Variants in UBR2 observed in about 807,000 individuals in gnomAD.
UBR2 encodes the protein E3 ubiquitin-protein ligase UBR2.
In UBR2, 92 loss-of-function variants were observed where a neutral mutation model predicts 247.9. The observed-to-expected ratio is 0.37, with a 90% CI of 0.31 to 0.44. The LOEUF is 0.44. UBR2 is among the 20% of genes least tolerant of loss of function. The pLI, the probability that UBR2 is intolerant of heterozygous loss-of-function variation, is 1.00. For missense variants in UBR2, 1,613 were observed against 2,112.6 expected (o/e 0.76, Z 4.64); for synonymous variants, 672 against 693.5 (o/e 0.97, Z 0.49).
At chr6:42,654,847 A>G (rs1475701273) in intron 25 of UBR2, among the ~76,000 whole-genome samples, 1 of 152,248 alleles carries the variant, frequency 6.6e-6, no homozygotes, top group Non-Finnish European at 1.5e-5. Context: ...TTTATAAATG[A>G]TAAGGCATTA....
intron 31 of UBR2, 52 bp downstream of exon 31, chr6:42,662,329 A>AT: frequency 8.7e-7 from 1 of 1,147,488 alleles, no homozygotes; most frequent in African/African-American, 1.6e-5. Context: ...AGGGCTCAAT[A>AT]TTTTTTAAAT....
At chr6:42,596,857 G>T (rs1040097726) in intron 4 of UBR2, among the ~76,000 whole-genome samples, 7 of 152,134 alleles carry the variant, frequency 4.6e-5, no homozygotes, top group African/African-American at 1.7e-4. Context: ...TGGCTTAGTA[G>T]GTAAGGGGTT....
chr6:42,642,135 T>G (rs576461483), intron 17 of UBR2, among the ~76,000 whole-genome samples: 92 of 152,264 alleles, frequency 6.0e-4, no homozygotes, highest in African/African-American at 2.2e-3. Flanking sequence ...ACAGATTTTG[T>G]TTTTCTCCTG....
chr6:42,613,814 A>G (rs1456256168), intron 8 of UBR2, among the ~76,000 whole-genome samples: 1 of 151,998 alleles, frequency 6.6e-6, no homozygotes, highest in African/African-American at 2.4e-5. Flanking sequence ...AGCTTTTATA[A>G]TTGAAAGTTA....
chr6:42,609,847 A>T (rs1793949659), intron 7 of UBR2, among the ~76,000 whole-genome samples: 1 of 151,522 alleles, frequency 6.6e-6, no homozygotes, highest in Admixed American at 6.6e-5. Flanking sequence ...GTGAGCTGTT[A>T]TCAACACCAT....
In UBR2 at chr6:42,674,162, G is replaced by C. The variant is rs776216881; in HGVS notation, c.4220G>C (p.Cys1407Ser). Reference sequence around the variant, plus strand: ...AATGACAGCCATGAGGAACTTCCATGCATATTAGATATTGACATGTTTCAT... The same window carrying C: ...AATGACAGCCATGAGGAACTTCCATCCATATTAGATATTGACATGTTTCAT... ...VPNDSHEELP[C>S]ILDIDMFHLL... Residue 1407 changes from cysteine to serine, a missense_variant, in exon 38 of 47, where the codon TGC becomes TCC. Physicochemically the swap from Cys to Ser is moderately radical, Grantham distance 112 (BLOSUM62 -1). This residue lies in a region of UBR2 where 1,524 missense variants were observed against 1,967.3 expected (regional missense o/e 0.77). Transcript: ENST00000372901. The C allele has an allele frequency of 6.2e-7, 1 of 1,613,860 alleles. No individual in the cohort carries two copies. The highest frequency in any genetic ancestry group is 2.2e-5 in the East Asian group (1 of 44,864).
intron 8 of UBR2, among the ~76,000 whole-genome samples, chr6:42,614,202 A>T (rs1361423187): frequency 0.032 from 1,194 of 37,822 alleles, 105 homozygotes; most frequent in Non-Finnish European, 0.043. Context: ...AAAAAAAAAA[A>T]AAACTATATA....
chr6:42,620,375 C>T (rs1214182562), intron 11 of UBR2: 1 of 150,246 alleles, frequency 6.7e-6, no homozygotes, highest in Non-Finnish European at 1.5e-5. Context: ...CTTTTTCTTA[C>T]TGATTTGTCA....
At chr6:42,628,693 A>G (rs1216368867) in intron 11 of UBR2, among the ~76,000 whole-genome samples, 1 of 146,558 alleles carries the variant, frequency 6.8e-6, no homozygotes, top group African/African-American at 2.5e-5. Context: ...ACTGCACTCT[A>G]GCCTGAGCGA....
rs527478222 is a variant in UBR2, at chr6:42,686,684, G to A, written c.4854-1532G>A. Among the ~76,000 whole-genome samples, 436 of 150,608 alleles carry A rather than the reference G, an allele frequency of 2.9e-3. 2 individuals carry two copies. The highest frequency in any genetic ancestry group is 0.01 in the African/African-American group (420 of 40,998). ...CAGAGGCGCCCCCCACCTCCCGGACGGGGCGGCTGGCCGGGTGGGAGCTGC... is the reference window on the plus strand; with the variant it reads ...CAGAGGCGCCCCCCACCTCCCGGACAGGGCGGCTGGCCGGGTGGGAGCTGC... On this transcript the variant is annotated intron_variant, in intron 44 of 46. Coordinates refer to ENST00000372901, the MANE Select transcript of UBR2 (RefSeq NM_001363705.2).
intron 11 of UBR2, chr6:42,620,437 A>T (rs1794898600): frequency 6.6e-6 from 1 of 151,212 alleles, no homozygotes; most frequent in African/African-American, 2.4e-5. Flanking sequence ...TATATACTAC[A>T]AATATTTTTT....
intron 2 of UBR2, among the ~76,000 whole-genome samples, chr6:42,589,867 G>A (rs1415638267): frequency 6.6e-6 from 1 of 152,134 alleles, no homozygotes; most frequent in African/African-American, 2.4e-5. Flanking sequence ...TACCTTGTGT[G>A]AAATGTGTTG....
At chr6:42,568,607 G>A (rs911755582) in intron 1 of UBR2, among the ~76,000 whole-genome samples, 6 of 152,096 alleles carry the variant, frequency 3.9e-5, no homozygotes, top group African/African-American at 1.4e-4. Context: ...GCAGGCGCCT[G>A]TGGTCCCAGC....
rs760932102 is a variant in UBR2, at chr6:42,617,206, T to A, written c.1183-203T>A. On this transcript the variant is annotated intron_variant, in intron 10 of 46. Transcript: ENST00000372901. ...ATAATCCTTAAACATTTGGTCATTG[T>A]GGATTAGAGGTGAATCTCCCCCTTG... The A allele has an allele frequency of 1.9e-6, 3 of 1,592,716 alleles. No individual in the cohort carries two copies. The South Asian group carries it at 3.3e-5, about 18-fold the overall frequency.
chr6:42,582,519 A>G (rs1791977589), intron 2 of UBR2, among the ~76,000 whole-genome samples: 2 of 152,294 alleles, frequency 1.3e-5, no homozygotes, highest in South Asian at 4.1e-4. Flanking sequence ...GTTGAACTTA[A>G]TAAAAACTGC....
At chr6:42,678,494 C>A in intron 40 of UBR2, 45 bp from the exon 41 acceptor site, 2 of 1,587,530 alleles carry the variant, frequency 1.3e-6, no homozygotes, top group Non-Finnish European at 1.7e-6. Context: ...AGTACAGTGA[C>A]CTTTTCTTAG....
intron 36 of UBR2, among the ~76,000 whole-genome samples, chr6:42,671,934 C>T (rs2151983811): frequency 6.6e-6 from 1 of 152,334 alleles, no homozygotes; most frequent in Non-Finnish European, 1.5e-5. Flanking sequence ...TAACCTGGAT[C>T]TCCTACACAT....
chr6:42,667,720 CT>C, intron 34 of UBR2, among the ~76,000 whole-genome samples: 1 of 52,098 alleles, frequency 1.9e-5, no homozygotes, highest in East Asian at 6.0e-4. Flanking sequence ...TTTTTTTTTT[CT>C]GAATGGTGCA....
chr6:42,667,042 G>C (rs912722053), intron 34 of UBR2, among the ~76,000 whole-genome samples: 1 of 152,054 alleles, frequency 6.6e-6, no homozygotes, highest in African/African-American at 2.4e-5. Flanking sequence ...AATAAATACA[G>C]ACCTAAAGAC....
Sources: gnomAD v4.1 joint callset for allele counts (sites outside exome capture counted in the v4.1 genomes callset) on GRCh38, gnomAD v4.1.1 for gene constraint, gnomAD v4.1.1 regional missense constraint, MANE v1.5 for transcripts, NCBI Gene and HGNC (gene_info 2026-07-23, HGNC 2026-07-21) for gene names.